The following TRIM15 variants were observed in gnomAD, a reference collection of about 807,000 sequenced individuals.
TRIM15 encodes tripartite motif containing 15.
Under a neutral mutation model 35.8 loss-of-function variants are expected in TRIM15, and 35 were observed. The observed-to-expected ratio is 0.98, with a 90% confidence interval of 0.75 to 1.30. The LOEUF is 1.30. Among genes scored for constraint, TRIM15 ranks in the 50% most tolerant of loss-of-function variants. The pLI, the probability that TRIM15 is intolerant of heterozygous loss-of-function variation, is 0.00. For missense variants in TRIM15, 590 were observed against 593.5 expected (o/e 0.99, Z 0.06); for synonymous variants, 252 against 249.8 (o/e 1.01, Z -0.08).
chr6:30,167,348 T>C, intron 2 of TRIM15, 77 bp downstream of exon 2: 1 of 1,225,168 alleles, frequency 8.2e-7, no homozygotes, highest in Non-Finnish European at 1.2e-6. Context: ...TTGGCTGGTA[T>C]CTGTTTCCTG....
Position 30,163,879 on chromosome 6 carries a change from G to A in TRIM15, c.195G>A (p.Gln65=), listed in dbSNP as rs772158388. 1.2e-6 allele frequency: 2 copies of A among 1,612,966 alleles called. No homozygotes were observed. Among genetic ancestry groups the A allele is most frequent in the African/African-American group, 2.7e-5 (2 of 74,948 alleles). The part of the protein sequence containing the change: ...LLCPLCQEEE[Q]AETPMAPVPL... ...GCCCGCTCTGCCAAGAGGAGGAGCAGGCAGAGACTCCCATGGCCCCTGTGC... is the reference window on the plus strand; with the variant it reads ...GCCCGCTCTGCCAAGAGGAGGAGCAAGCAGAGACTCCCATGGCCCCTGTGC... Residue 65 remains glutamine, a synonymous_variant, in exon 1 of 7, where the codon CAG becomes CAA. Transcript: ENST00000376694.
chr6:30,172,331 C>A lies in TRIM15; in HGVS notation c.1380C>A (p.Cys460Ter). 6.2e-7 allele frequency: 1 copy of A among 1,607,884 alleles called. No individual in the cohort carries two copies. Among genetic ancestry groups the A allele is most frequent in the South Asian group, 1.1e-5 (1 of 90,482 alleles). Residue 460 changes from cysteine to a stop codon, truncating the protein, a stop_gained, in exon 7 of 7, where the codon TGC becomes TGA. Coordinates refer to ENST00000376694, the MANE Select transcript of TRIM15 (RefSeq NM_033229.3). LOFTEE classifies it high-confidence loss of function. ...TTGCCGTCTGGAAAAAAGGTTCCTG[C>A]CTTACGCTGAAAGGCTGAAGTGGGG... is the stretch of plus-strand genomic sequence containing the variant. The part of the protein sequence containing the change: ...PFFAVWKKGS[C>*]LTLKG
At chr6:30,168,565 A>C (rs1171273518) in intron 3 of TRIM15, 35 bp downstream of exon 3, 1 of 1,544,498 alleles carries the variant, frequency 6.5e-7, no homozygotes, top group Non-Finnish European at 8.8e-7. Flanking sequence ...AGGATAAGAG[A>C]GGGACTCCAC....
chr6:30,172,286 C>T lies in TRIM15; in HGVS notation c.1335C>T (p.Ser445=), dbSNP rs779367161. The change falls in exon 7 of 7, where the codon TCC becomes TCT. Residue 445 remains serine (S), a synonymous_variant. Coordinates refer to ENST00000376694, the MANE Select transcript of TRIM15 (RefSeq NM_033229.3). The part of the protein sequence containing the change: ...EPIFTFTASF[S]GKVFPFFAVW... ...TCTTCACCTTCACTGCCTCTTTCTC[C>T]GGCAAAGTCTTCCCTTTCTTTGCCG... 6 of 1,612,906 alleles carry T rather than the reference C, an allele frequency of 3.7e-6. No individual in the cohort carries two copies. The highest frequency in any genetic ancestry group is 5.1e-6 in the Non-Finnish European group (6 of 1,179,920).
chr6:30,168,173 G>A, intron 2 of TRIM15, 127 bp from the exon 3 acceptor site: 2 of 765,308 alleles, frequency 2.6e-6, no homozygotes, highest in Non-Finnish European at 4.1e-6. Flanking sequence ...AGGCATATTA[G>A]TAAATGGAAT....
chr6:30,163,799 T>A lies in TRIM15; in HGVS notation c.115T>A (p.Cys39Ser), dbSNP rs1773353912. Residue 39 changes from cysteine to serine, a missense_variant, in exon 1 of 7, where the codon TGC (cysteine) becomes AGC (serine). By Grantham distance (112) the Cys-to-Ser change is moderately radical. Transcript: ENST00000376694. ...CTGTGGACACACCTTCTGCCGGCTC[T>A]GCCTCCCCGCGCTCTCCCAGATGGG... ...IPCGHTFCRL[C>S]LPALSQMGAQ... The A allele has an allele frequency of 3.7e-6, 6 of 1,612,952 alleles. No individual in the cohort carries two copies. Among genetic ancestry groups the A allele is most frequent in the Non-Finnish European group, 4.2e-6 (5 of 1,179,972 alleles).
At chr6:30,170,446 C>T in intron 4 of TRIM15, 55 bp from the exon 5 acceptor site, 2 of 1,218,560 alleles carry the variant, frequency 1.6e-6, no homozygotes, top group South Asian at 1.2e-5. Flanking sequence ...CGTGGTCTCA[C>T]CCGAACATTT....
chr6:30,166,114 A>C (rs141543627), intron 1 of TRIM15, among the ~76,000 whole-genome samples: 4,244 of 152,018 alleles, frequency 0.028, 104 homozygotes, highest in Middle Eastern at 0.051. Context: ...TTAATTAGAT[A>C]CCATTTGTCA....
In TRIM15 at chr6:30,171,893, G is replaced by A. The variant is rs548833897; in HGVS notation, c.942G>A (p.Lys314=). 1.4e-5 allele frequency: 22 copies of A among 1,600,068 alleles called. No individual in the cohort carries two copies. The highest frequency in any genetic ancestry group is 1.1e-4 in the African/African-American group (8 of 74,656). The change falls in exon 7 of 7, where the codon AAG becomes AAA. Residue 314 remains lysine (K), a synonymous_variant. Coordinates refer to ENST00000376694, the MANE Select transcript of TRIM15 (RefSeq NM_033229.3). The part of the protein sequence containing the change: ...SRSLVLSEDR[K]SVRYTRQKKS... Reference sequence around the variant, plus strand: ...GCCTGGTTCTCTCGGAAGACAGGAAGTCAGTGAGGTACACCCGGCAGAAGA... The same window carrying A: ...GCCTGGTTCTCTCGGAAGACAGGAAATCAGTGAGGTACACCCGGCAGAAGA...
chr6:30,170,410 C>A, intron 4 of TRIM15, 91 bp from the exon 5 acceptor site: 2 of 739,240 alleles, frequency 2.7e-6, no homozygotes, highest in South Asian at 1.7e-5. Flanking sequence ...ACGCCAAGAT[C>A]ATTCTTTAGT....
Position 30,172,483 on chromosome 6 carries a change from A to G in TRIM15, c.*134A>G. On this transcript the variant is annotated 3_prime_UTR_variant, in exon 7 of 7. Coordinates refer to ENST00000376694, the MANE Select transcript of TRIM15 (RefSeq NM_033229.3). ...AGAACAGGGGACTTGAGTCTCGAAC[A>G]GCGGTTGTTTTTACTTTATTTATCT... 7.5e-7 allele frequency: 1 copy of G among 1,339,766 alleles called. No individual in the cohort carries two copies. The allele number at this position is 1,339,766 out of a possible 1,614,324, so 83.0% of individuals were successfully genotyped here. A position where few individuals can be genotyped will look rare whatever the true frequency, so the allele number is the denominator to read the frequency against.
intron 3 of TRIM15, 102 bp from the exon 4 acceptor site, chr6:30,169,138 AG>A (rs1328363818): frequency 1.7e-4 from 217 of 1,314,444 alleles, no homozygotes; most frequent in Non-Finnish European, 2.3e-4. Flanking sequence ...TCTCTGCAGA[AG>A]GAGAGTTTTG....
chr6:30,163,609 T>C lies in TRIM15; in HGVS notation c.-76T>C. On this transcript the variant is annotated 5_prime_UTR_variant, in exon 1 of 7. Coordinates refer to ENST00000376694, the MANE Select transcript of TRIM15 (RefSeq NM_033229.3). ...CGTTTCCCTCTGCGATTCATGTAAG[T>C]GTGACTCGATTTCAGGGAAAGGGAA... The C allele has an allele frequency of 7.3e-6, 11 of 1,506,166 alleles. No individual in the cohort carries two copies. Among genetic ancestry groups the C allele is most frequent in the Non-Finnish European group, 9.8e-6 (11 of 1,123,942 alleles). 93.3% of individuals were successfully genotyped at this position (1,506,166 alleles called of 1,614,324 possible).
intron 1 of TRIM15, among the ~76,000 whole-genome samples, chr6:30,164,412 A>T (rs1473752030): frequency 2.0e-5 from 3 of 152,142 alleles, no homozygotes; most frequent in Non-Finnish European, 4.4e-5. Context: ...CAGGATCCAG[A>T]CTGGAAATGG....
Position 30,167,240 on chromosome 6 carries a change from G to T in TRIM15, c.446G>T (p.Cys149Phe). The change falls in exon 2 of 7, where the codon TGT (cysteine) becomes TTT (phenylalanine). Residue 149 changes from cysteine to phenylalanine, a missense_variant. Physicochemically the swap from Cys to Phe is radical, Grantham distance 205 (BLOSUM62 -2). Transcript: ENST00000376694. ...TERDEIEDVK[C>F]QEDQKLQVLL... ...AGAGATGAGATTGAGGATGTAAAGT[G>T]TCAAGAAGACCAGAAGCTTCAAGTG... 1 of 1,613,100 alleles carries T rather than the reference G, an allele frequency of 6.2e-7. No individual in the cohort carries two copies. The highest frequency in any genetic ancestry group is 8.5e-7 in the Non-Finnish European group (1 of 1,180,016).
At chr6:30,165,561 A>G (rs1773538043) in intron 1 of TRIM15, among the ~76,000 whole-genome samples, 1 of 152,226 alleles carries the variant, frequency 6.6e-6, no homozygotes, top group African/African-American at 2.4e-5. Flanking sequence ...TGCAATAAAC[A>G]TATGTGTGCA....
Position 30,163,821 on chromosome 6 carries a change from T to C in TRIM15, c.137T>C (p.Met46Thr). 5 of 1,613,000 alleles carry C rather than the reference T, an allele frequency of 3.1e-6. No individual in the cohort carries two copies. Among genetic ancestry groups the C allele is most frequent in the Non-Finnish European group, 4.2e-6 (5 of 1,180,008 alleles). Residue 46 changes from methionine to threonine, a missense_variant, in exon 1 of 7, where the codon ATG (methionine) becomes ACG (threonine). Transcript: ENST00000376694. ...CTCTGCCTCCCCGCGCTCTCCCAGA[T>C]GGGGGCCCAATCCTCGGGCAAGATC... Reference protein sequence around the residue: ...CRLCLPALSQMGAQSSGKILL... With the variant: ...CRLCLPALSQTGAQSSGKILL...
At position 30,172,250 on chromosome 6, in the gene TRIM15, C is replaced by A; in HGVS notation, c.1299C>A (p.Thr433=). ...AGQVTLHNAQ[T]QEPIFTFTAS... ...AGGTGACCCTCCACAACGCCCAGAC[C>A]CAGGAGCCCATCTTCACCTTCACTG... Residue 433 remains threonine (T), a synonymous_variant, in exon 7 of 7, where the codon ACC becomes ACA. Transcript: ENST00000376694. 6.2e-7 allele frequency: 1 copy of A among 1,612,808 alleles called. No individual in the cohort carries two copies. Among genetic ancestry groups the A allele is most frequent in the Non-Finnish European group, 8.5e-7 (1 of 1,179,928 alleles).
At chr6:30,167,785 A>G (rs113011118) in intron 2 of TRIM15, among the ~76,000 whole-genome samples, 172 of 152,306 alleles carry the variant, frequency 1.1e-3, no homozygotes, top group African/African-American at 3.6e-3. Context: ...GAGGAATCAC[A>G]GTGTGAGGAT....
Sources: allele counts gnomAD v4.1 joint callset (sites outside exome capture counted in the v4.1 genomes callset), GRCh38; gene constraint gnomAD v4.1.1; transcripts MANE v1.5; gene names NCBI Gene and HGNC (gene_info 2026-07-23, HGNC 2026-07-21).